MELK: variants seen among roughly 807,000 people sequenced by gnomAD.
MELK encodes the protein pEg3 kinase.
In MELK, 81 loss-of-function variants were observed where a neutral mutation model predicts 85.0. The observed-to-expected ratio is 0.95, with a 90% CI of 0.80 to 1.15. MELK has a LOEUF of 1.15. Among genes scored for constraint, MELK ranks in the 50% most tolerant of loss-of-function variants. The probability of loss-of-function intolerance (pLI) is 0.00; values close to 1 mark genes in which losing one functional copy is unlikely to be tolerated. For missense variants in MELK, 754 were observed against 777.5 expected (o/e 0.97, Z 0.36); for synonymous variants, 252 against 265.0 (o/e 0.95, Z 0.48).
At chr9:36,613,161 C>T (rs1826217216) in intron 8 of MELK, among the ~76,000 whole-genome samples, 1 of 152,210 alleles carries the variant, frequency 6.6e-6, no homozygotes, top group African/African-American at 2.4e-5. Context: ...TAAGGTGTGC[C>T]TGCCTCAGGG....
chr9:36,616,076 C>A (rs373680945), intron 8 of MELK, among the ~76,000 whole-genome samples: 2 of 152,078 alleles, frequency 1.3e-5, no homozygotes, highest in Non-Finnish European at 2.9e-5. Flanking sequence ...CGGCGCTCGC[C>A]GGCGCGGTGG....
intron 8 of MELK, among the ~76,000 whole-genome samples, chr9:36,622,438 G>C (rs1827537751): frequency 6.6e-6 from 1 of 152,146 alleles, no homozygotes; most frequent in Non-Finnish European, 1.5e-5. Flanking sequence ...TGTAACTCTT[G>C]TTTAAAAGGC....
intron 12 of MELK, 81 bp downstream of exon 12, chr9:36,651,958 C>T (rs540655873): frequency 4.0e-5 from 52 of 1,304,416 alleles, no homozygotes; most frequent in African/African-American, 2.3e-4. Context: ...GTAAACTTTC[C>T]GGTGTCAAGG....
intron 12 of MELK, among the ~76,000 whole-genome samples, chr9:36,655,569 TGAG>T (rs761110742): frequency 1.2e-4 from 19 of 152,082 alleles, no homozygotes; most frequent in Non-Finnish European, 2.2e-4. Flanking sequence ...CAATAGTTAA[TGAG>T]GAGCCATTGA....
intron 8 of MELK, among the ~76,000 whole-genome samples, chr9:36,612,763 G>A (rs1051208679): frequency 6.6e-6 from 1 of 152,072 alleles, no homozygotes; most frequent in Admixed American, 6.6e-5. Context: ...TTTGGTTTTG[G>A]TTTCATGATT....
chr9:36,615,424 C>T (rs1454724671), intron 8 of MELK, among the ~76,000 whole-genome samples: 14 of 135,982 alleles, frequency 1.0e-4, no homozygotes, highest in Admixed American at 8.5e-4. Flanking sequence ...CCGGACGGCA[C>T]GGCTGGCCAG....
At chr9:36,615,922 G>T (rs1351289006) in intron 8 of MELK, among the ~76,000 whole-genome samples, 3 of 151,714 alleles carry the variant, frequency 2.0e-5, no homozygotes, top group African/African-American at 7.3e-5. Flanking sequence ...GGGCAGCCAG[G>T]CAGAGACACT....
Position 36,589,583 on chromosome 9 carries a change from G to T in MELK, c.192G>T (p.Leu64=). The T allele has an allele frequency of 6.2e-7, 1 of 1,614,092 alleles. No homozygotes were observed. Among genetic ancestry groups the T allele is most frequent in the African/African-American group, 1.3e-5 (1 of 75,042 alleles). ...CGGAGATTGAGGCCTTGAAGAACCT[G>T]AGACATCAGCATATATGTCAACTCT... is the stretch of plus-strand genomic sequence containing the variant. ...IKTEIEALKN[L]RHQHICQLYH... The change falls in exon 4 of 18, where the codon CTG becomes CTT. Residue 64 remains leucine, a synonymous_variant. Coordinates refer to ENST00000298048, the MANE Select transcript of MELK (RefSeq NM_014791.4).
chr9:36,630,179 C>T (rs1828389697), intron 8 of MELK, 120 bp from the exon 9 acceptor site: 1 of 739,438 alleles, frequency 1.4e-6, no homozygotes, highest in Non-Finnish European at 2.3e-6. Flanking sequence ...TAATGTTTAC[C>T]AAGTATTGTA....
Position 36,595,877 on chromosome 9 carries a change from G to A in MELK, c.405+1106G>A, listed in dbSNP as rs567448268. 4.6e-5 allele frequency among the ~76,000 whole-genome samples: 7 copies of A among 152,112 alleles called. No homozygotes were observed. The South Asian group carries it at 6.2e-4, about 14-fold the overall frequency. On this transcript the variant is annotated intron_variant, in intron 5 of 17. Coordinates refer to ENST00000298048, the MANE Select transcript of MELK (RefSeq NM_014791.4). ...GTTATCCAGGCTGAAGTGCAGTGGC[G>A]CAATCTTGGCTCACTGCAACCTCTG...
chr9:36,592,204 TCA>T (rs1311389088), intron 4 of MELK, among the ~76,000 whole-genome samples: 2 of 144,124 alleles, frequency 1.4e-5, no homozygotes, highest in African/African-American at 5.2e-5. Context: ...AGACGGAGTC[TCA>T]CACTGTCTTG....
At chr9:36,605,924 G>A (rs1391652675) in intron 7 of MELK, among the ~76,000 whole-genome samples, 6 of 147,998 alleles carry the variant, frequency 4.1e-5, no homozygotes, top group Non-Finnish European at 8.9e-5. Flanking sequence ...CTGCACCCCA[G>A]CCTAGGCAAC....
intron 8 of MELK, 191 bp from the exon 9 acceptor site, chr9:36,630,108 G>C: frequency 1.7e-6 from 1 of 580,392 alleles, no homozygotes; most frequent in Non-Finnish European, 3.1e-6. Flanking sequence ...ACCTCCCAAA[G>C]TGCTGGGACT....
intron 15 of MELK, among the ~76,000 whole-genome samples, chr9:36,670,463 A>C (rs767694842): frequency 3.3e-5 from 5 of 152,108 alleles, no homozygotes; most frequent in Admixed American, 1.3e-4. Context: ...GAAGTGTTTC[A>C]GAGTAAAGTG....
At chr9:36,580,188 C>T (rs1420476756) in intron 1 of MELK, among the ~76,000 whole-genome samples, 1 of 151,924 alleles carries the variant, frequency 6.6e-6, no homozygotes, top group Non-Finnish European at 1.5e-5. Flanking sequence ...GCCACCACCC[C>T]TGGCTAATTT....
In MELK at chr9:36,594,814, T is replaced by A. The variant is rs367920409; in HGVS notation, c.405+43T>A. 1.4e-5 allele frequency: 22 copies of A among 1,574,470 alleles called. No homozygotes were observed. In the African/African-American group the frequency reaches 3.0e-4, roughly 21 times the overall value. On this transcript the variant is annotated intron_variant, in intron 5 of 17. Coordinates refer to ENST00000298048, the MANE Select transcript of MELK (RefSeq NM_014791.4). ...AGTTAGATGCTCACCTTCAGCGTCA[T>A]TTACCTGTTATTTTTAGGTTTACAA... is the stretch of plus-strand genomic sequence containing the variant.
rs1821244695 is a variant in MELK at position 36,573,003 on chromosome 9, C to T, written c.-43C>T. 2 of 152,590 alleles carry T rather than the reference C, an allele frequency of 1.3e-5. No homozygotes were observed. The highest frequency in any genetic ancestry group is 4.1e-4 in the South Asian group (2 of 4,834). 9.5% of individuals were successfully genotyped at this position (152,590 alleles called of 1,614,324 possible). ...CGCCGCTCAGCCGTGCCCTCCGCCC[C>T]TCAGGTCAGTTCTCCCGCCTGCCCG... On this transcript the variant is annotated 5_prime_UTR_variant, in exon 1 of 18. Coordinates refer to ENST00000298048, the MANE Select transcript of MELK (RefSeq NM_014791.4).
At chr9:36,640,153 C>T (rs192902812) in intron 10 of MELK, among the ~76,000 whole-genome samples, 105 of 152,324 alleles carry the variant, frequency 6.9e-4, no homozygotes, top group African/African-American at 2.5e-3. Context: ...AAGGCTCTCT[C>T]AGTCTGTTTG....
chr9:36,633,095 C>G lies in MELK; in HGVS notation c.736-7C>G, dbSNP rs200387406. ...TTAATCTCTAGCTACTTTTTAATGG[C>G]CACTAGGTGGACCCAAAGAAACGGA... On this transcript the variant is annotated splice_polypyrimidine_tract_variant and splice_region_variant and intron_variant, in intron 9 of 17. Transcript: ENST00000298048. 4 of 1,595,658 alleles carry G rather than the reference C, an allele frequency of 2.5e-6. No individual in the cohort carries two copies. In the East Asian group the frequency reaches 6.7e-5, roughly 27 times the overall value.
Sources: allele counts gnomAD v4.1 joint callset (sites outside exome capture counted in the v4.1 genomes callset), GRCh38; gene constraint gnomAD v4.1.1; transcripts MANE v1.5; gene names NCBI Gene and HGNC (gene_info 2026-07-23, HGNC 2026-07-21).